Variants in TMEM74 observed in about 807,000 individuals in gnomAD.
TMEM74 encodes the protein transmembrane protein 74.
Under a neutral mutation model 18.1 loss-of-function variants are expected in TMEM74, and 13 were observed. The observed-to-expected ratio is 0.72, with a 90% CI of 0.47 to 1.14. The LOEUF (loss-of-function observed/expected upper bound fraction) is 1.14, where lower values mean the gene tolerates loss of function less well. TMEM74 is among the 50% of genes most tolerant of loss of function. The probability of loss-of-function intolerance (pLI) is 0.00; values close to 1 mark genes in which losing one functional copy is unlikely to be tolerated. For missense variants in TMEM74, 372 were observed against 375.9 expected (o/e 0.99, Z 0.09); for synonymous variants, 159 against 146.6 (o/e 1.08, Z -0.61).
chr8:108,608,441 G>C (rs1812301604), intron 3 of TMEM74, among the ~76,000 whole-genome samples: 1 of 152,136 alleles, frequency 6.6e-6, no homozygotes, highest in East Asian at 1.9e-4. Context: ...ACTCAGATCA[G>C]TAAGAGAGAG....
At chr8:108,646,520 A>C (rs1441078987) in intron 2 of TMEM74, among the ~76,000 whole-genome samples, 1 of 152,154 alleles carries the variant, frequency 6.6e-6, no homozygotes, top group Non-Finnish European at 1.5e-5. Flanking sequence ...TTCATGAATA[A>C]GTTCCAAATA....
intron 2 of TMEM74, among the ~76,000 whole-genome samples, chr8:108,645,046 G>GCACT (rs1361558806): frequency 6.6e-6 from 1 of 152,100 alleles, no homozygotes; most frequent in Admixed American, 6.6e-5. Context: ...AGAGACACAT[G>GCACT]CACTCACTTA....
intron 1 of TMEM74, among the ~76,000 whole-genome samples, chr8:108,729,480 C>T (rs1813672980): frequency 6.6e-6 from 1 of 152,162 alleles, no homozygotes; most frequent in African/African-American, 2.4e-5. Flanking sequence ...AGTTCCTTTG[C>T]CATGTAATTT....
chr8:108,716,358 C>T lies in TMEM74; in HGVS notation n.120-60921G>A, dbSNP rs189410903. 1.5e-4 allele frequency among the ~76,000 whole-genome samples: 23 copies of T among 151,966 alleles called. No homozygotes were observed. The East Asian group carries it at 2.5e-3, about 17-fold the overall frequency. Reference sequence around the variant, plus strand: ...TACATTAAAACTATTAAATAATTAACGAATTCAAAAACTCTTTCATCACCT... The same window carrying T: ...TACATTAAAACTATTAAATAATTAATGAATTCAAAAACTCTTTCATCACCT... On this transcript the variant is annotated intron_variant and non_coding_transcript_variant, in intron 1 of 3. Transcript: ENST00000518838.
In TMEM74 at chr8:108,785,065, G is replaced by A. The variant is rs1299172308; in HGVS notation, c.34C>T (p.Gln12Ter). The A allele has an allele frequency of 1.2e-6, 2 of 1,610,796 alleles. No individual in the cohort carries two copies. Among genetic ancestry groups the A allele is most frequent in the Non-Finnish European group, 8.5e-7 (1 of 1,178,772 alleles). ...ELHYLAKKSN[Q>*]ADLCDARDWS... ...TCCCTGGCATCACAGAGGTCTGCCT[G>A]GTTGCTCTTCTTAGCAAGGTAGTGG... is the stretch of plus-strand genomic sequence containing the variant. Residue 12 changes from glutamine to a stop codon, truncating the protein, a stop_gained, in exon 2 of 2, where the codon CAG becomes TAG. Coordinates refer to ENST00000297459, the MANE Select transcript of TMEM74 (RefSeq NM_153015.3). LOFTEE classifies it high-confidence loss of function.
chr8:108,689,278 CTGCCTTCTTACAGAG>C (rs991055854), intron 1 of TMEM74, among the ~76,000 whole-genome samples: 4 of 152,178 alleles, frequency 2.6e-5, no homozygotes, highest in African/African-American at 9.7e-5. Context: ...AACATGTGTT[CTGCCTTCTTACAGAG>C]AAAGGGTTAA....
rs1410975087 is a variant in TMEM74, at chr8:108,718,007, G to A, written n.120-62570C>T. Among the ~76,000 whole-genome samples the A allele has an allele frequency of 8.8e-4, 51 of 57,784 alleles. 4 individuals are homozygous for A. The highest frequency in any genetic ancestry group is 1.4e-3 in the African/African-American group (6 of 4,434). The allele number at this position is 57,784 out of a possible 152,430, so 37.9% of individuals were successfully genotyped here. A position where few individuals can be genotyped will look rare whatever the true frequency, so the allele number is the denominator to read the frequency against. On this transcript the variant is annotated intron_variant and non_coding_transcript_variant, in intron 1 of 3. Coordinates refer to the TMEM74 transcript ENST00000518838. The stretch of plus-strand genomic sequence containing the variant: ...GGAGTCTCGCTCTGTCACCCAGGCT[G>A]GAGTGCAGTGGCGGGATCTCGGCTC...
intron 1 of TMEM74, among the ~76,000 whole-genome samples, chr8:108,716,225 A>G (rs1813521953): frequency 6.6e-6 from 1 of 152,134 alleles, no homozygotes; most frequent in South Asian, 2.1e-4. Flanking sequence ...GCCTTCAAAC[A>G]TCACTACACA....
intron 2 of TMEM74, among the ~76,000 whole-genome samples, chr8:108,641,867 T>C (rs1369494407): frequency 6.6e-6 from 1 of 152,286 alleles, no homozygotes; most frequent in East Asian, 1.9e-4. Context: ...TTATTTTTCA[T>C]GTGATCTCTT....
chr8:108,624,100 C>T (rs193146313), intron 2 of TMEM74, among the ~76,000 whole-genome samples: 3 of 152,200 alleles, frequency 2.0e-5, no homozygotes, highest in South Asian at 2.1e-4. Context: ...GGAGAACCAA[C>T]AGCACCCTAC....
At chr8:108,664,400 A>G (rs1246180486) in intron 1 of TMEM74, among the ~76,000 whole-genome samples, 2 of 152,048 alleles carry the variant, frequency 1.3e-5, no homozygotes, top group Non-Finnish European at 2.9e-5. Flanking sequence ...TGTGCATAGT[A>G]TTGAGTTCTT....
At chr8:108,710,972 T>C (rs573590420) in intron 1 of TMEM74, among the ~76,000 whole-genome samples, 7 of 152,370 alleles carry the variant, frequency 4.6e-5, no homozygotes, top group East Asian at 3.9e-4. Context: ...TCTAAAATCA[T>C]TGAGTCATGT....
At chr8:108,645,889 C>A (rs1812712557) in intron 2 of TMEM74, among the ~76,000 whole-genome samples, 1 of 152,060 alleles carries the variant, frequency 6.6e-6, no homozygotes, top group Non-Finnish European at 1.5e-5. Context: ...GGGTTTCTTG[C>A]TAGGTGAACA....
chr8:108,733,994 C>A (rs1253692649), intron 1 of TMEM74, among the ~76,000 whole-genome samples: 1 of 152,136 alleles, frequency 6.6e-6, no homozygotes, highest in East Asian at 1.9e-4. Context: ...AGGTGTCAAC[C>A]TGACTGGATT....
chr8:108,703,581 T>A (rs552068614), intron 1 of TMEM74, among the ~76,000 whole-genome samples: 1 of 152,244 alleles, frequency 6.6e-6, no homozygotes, highest in East Asian at 1.9e-4. Context: ...GAAGGAGGGA[T>A]GAACCCTAAA....
intron 1 of TMEM74, among the ~76,000 whole-genome samples, chr8:108,704,578 C>T (rs1331228921): frequency 1.3e-5 from 2 of 152,170 alleles, no homozygotes; most frequent in Admixed American, 1.3e-4. Flanking sequence ...CTCATTCATT[C>T]AGTAAAAATA....
chr8:108,751,485 A>G (rs556889903), intron 1 of TMEM74, among the ~76,000 whole-genome samples: 2 of 152,222 alleles, frequency 1.3e-5, no homozygotes, highest in South Asian at 4.1e-4. Flanking sequence ...AGAAAACACA[A>G]GATAGTATAC....
intron 1 of TMEM74, among the ~76,000 whole-genome samples, chr8:108,694,761 C>T (rs1426342482): frequency 6.6e-6 from 1 of 152,152 alleles, no homozygotes; most frequent in Non-Finnish European, 1.5e-5. Context: ...TTTGACCGTA[C>T]ACAACTATGG....
intron 2 of TMEM74, among the ~76,000 whole-genome samples, chr8:108,621,998 T>A (rs536675815): frequency 6.6e-6 from 1 of 152,286 alleles, no homozygotes; most frequent in African/African-American, 2.4e-5. Context: ...TTTTTTTCAC[T>A]AGAATGCTTT....
Sources: allele counts gnomAD v4.1 joint callset (sites outside exome capture counted in the v4.1 genomes callset), GRCh38; gene constraint gnomAD v4.1.1; transcripts MANE v1.5; gene names NCBI Gene and HGNC (gene_info 2026-07-23, HGNC 2026-07-21).